Variants in ITPR1 observed in about 807,000 individuals in gnomAD.
ITPR1 encodes inositol 1,4,5-trisphosphate-gated calcium channel ITPR1.
ITPR1 carries 96 observed loss-of-function variants against 318.4 expected under a neutral mutation model. The observed-to-expected ratio is 0.30, with a 90% CI of 0.26 to 0.36. ITPR1 has a LOEUF of 0.36. ITPR1 is among the 10% of genes least tolerant of loss of function. The pLI is 1.00. For synonymous variants in ITPR1, 1,312 were observed against 1,289.9 expected (o/e 1.02, Z -0.37); for missense variants, 2,440 against 3,460.2 (o/e 0.71, Z 7.40).
intron 39 of ITPR1, among the ~76,000 whole-genome samples, chr3:4,717,143 T>G (rs559294159): frequency 1.6e-4 from 24 of 152,328 alleles, no homozygotes; most frequent in African/African-American, 5.5e-4. Flanking sequence ...TGATGCCTGA[T>G]ATGTGAATAA....
chr3:4,599,666 A>G (rs1214467191), intron 4 of ITPR1, among the ~76,000 whole-genome samples: 1 of 152,126 alleles, frequency 6.6e-6, no homozygotes, highest in African/African-American at 2.4e-5. Flanking sequence ...TAAACGTGAA[A>G]ATGGTTGAAT....
intron 4 of ITPR1, among the ~76,000 whole-genome samples, chr3:4,548,142 C>G (rs1412378610): frequency 6.6e-6 from 1 of 152,170 alleles, no homozygotes; most frequent in Non-Finnish European, 1.5e-5. Context: ...AAGACTTTAT[C>G]TGACTGTAAG....
Position 4,826,074 on chromosome 3 carries a change from G to A in ITPR1, c.8028+7832G>A, listed in dbSNP as rs1163847403. Among the ~76,000 whole-genome samples the A allele has an allele frequency of 6.6e-6, 1 of 152,202 alleles. No homozygotes were observed. Among genetic ancestry groups the A allele is most frequent in the African/African-American group, 2.4e-5 (1 of 41,460 alleles). Reference sequence around the variant, plus strand: ...TCCAACAGGGCGTGCACTTAACCCTGGTCTGACCTTTCTGCCCGCCTGTGC... The same window carrying A: ...TCCAACAGGGCGTGCACTTAACCCTAGTCTGACCTTTCTGCCCGCCTGTGC... On this transcript the variant is annotated intron_variant, in intron 60 of 61. Transcript: ENST00000649015. This position sits in a 1 kb window ranked among gnomAD's most constrained non-coding sequence, Gnocchi z 4.2.
intron 2 of ITPR1, among the ~76,000 whole-genome samples, chr3:4,510,236 T>C (rs78877533): frequency 6.6e-6 from 1 of 151,880 alleles, no homozygotes; most frequent in South Asian, 2.1e-4. Context: ...GGAAAAAAAA[T>C]CATTATGGCT....
chr3:4,527,506 C>T (rs893392276), intron 4 of ITPR1, among the ~76,000 whole-genome samples: 2 of 152,148 alleles, frequency 1.3e-5, no homozygotes, highest in African/African-American at 4.8e-5. Flanking sequence ...ATTGCCCCAA[C>T]CAGCTGTGGG....
chr3:4,619,588 C>T (rs1251211823), intron 4 of ITPR1, among the ~76,000 whole-genome samples: 2 of 86,058 alleles, frequency 2.3e-5, no homozygotes, highest in African/African-American at 1.1e-4. Flanking sequence ...CCCCCTTCCC[C>T]TGCCCTCCCC....
At chr3:4,586,501 T>C (rs1042115063) in intron 4 of ITPR1, among the ~76,000 whole-genome samples, 3 of 144,046 alleles carry the variant, frequency 2.1e-5, no homozygotes, top group African/African-American at 7.6e-5. Context: ...CAAGTAGCCT[T>C]GAGTGCTTTT....
chr3:4,669,243 T>C (rs1197746269), intron 18 of ITPR1, among the ~76,000 whole-genome samples: 1 of 152,214 alleles, frequency 6.6e-6, no homozygotes, highest in Non-Finnish European at 1.5e-5. Context: ...AAATTAGTAA[T>C]TTCCCCAAAT....
chr3:4,703,124 A>G (rs574845582), intron 36 of ITPR1, among the ~76,000 whole-genome samples, 174 bp downstream of exon 36: 11 of 152,296 alleles, frequency 7.2e-5, no homozygotes, highest in Admixed American at 5.2e-4. Context: ...TTTTTTATCT[A>G]CCAAGCCAGC....
At chr3:4,641,741 G>C (rs2093343775) in intron 6 of ITPR1, among the ~76,000 whole-genome samples, 1 of 152,208 alleles carries the variant, frequency 6.6e-6, no homozygotes, top group Admixed American at 6.5e-5. Context: ...CTTTGTGTCA[G>C]GGCATGCCAC....
At chr3:4,767,359 A>C (rs531549830) in intron 45 of ITPR1, among the ~76,000 whole-genome samples, 1 of 152,356 alleles carries the variant, frequency 6.6e-6, no homozygotes, top group East Asian at 1.9e-4. Context: ...CTACTCCCAG[A>C]ATATCTCCAG....
chr3:4,758,239 G>C (rs1282974630), intron 44 of ITPR1, among the ~76,000 whole-genome samples: 1 of 152,168 alleles, frequency 6.6e-6, no homozygotes, highest in Non-Finnish European at 1.5e-5. Context: ...CCAGAGCGAG[G>C]GCTTCTGAAA....
chr3:4,635,497 C>A (rs570598579), intron 5 of ITPR1, among the ~76,000 whole-genome samples: 1 of 151,624 alleles, frequency 6.6e-6, no homozygotes. Context: ...CCCGCCACCA[C>A]GCCCGGCTAA....
chr3:4,743,465 C>G (rs1318693945), intron 44 of ITPR1, among the ~76,000 whole-genome samples: 7 of 152,236 alleles, frequency 4.6e-5, no homozygotes. Flanking sequence ...CATGCACCTA[C>G]TGGCATTCAG....
At chr3:4,769,865 T>A (rs1274206227) in intron 46 of ITPR1, among the ~76,000 whole-genome samples, 1 of 152,228 alleles carries the variant, frequency 6.6e-6, no homozygotes, top group Non-Finnish European at 1.5e-5. Context: ...GAGATCCGCT[T>A]CTTTCTTCCG....
intron 61 of ITPR1, among the ~76,000 whole-genome samples, chr3:4,843,694 C>T (rs2051541704): frequency 6.6e-6 from 1 of 152,004 alleles, no homozygotes; most frequent in Admixed American, 6.6e-5. Flanking sequence ...AAGAATTGGC[C>T]AATAACCCAC....
At chr3:4,701,499 A>G (rs1184389552) in intron 35 of ITPR1, among the ~76,000 whole-genome samples, 3 of 152,084 alleles carry the variant, frequency 2.0e-5, no homozygotes, top group African/African-American at 4.8e-5. Flanking sequence ...CCTGTCCTCT[A>G]TTAGGAACAC....
chr3:4,641,804 T>A (rs942621461), intron 6 of ITPR1, among the ~76,000 whole-genome samples: 1 of 152,246 alleles, frequency 6.6e-6, no homozygotes, highest in Admixed American at 6.5e-5. Context: ...CACTGACGGA[T>A]GGCAGGTTAT....
intron 4 of ITPR1, among the ~76,000 whole-genome samples, chr3:4,605,427 A>T (rs1575687814): frequency 1.3e-5 from 2 of 152,208 alleles, no homozygotes; most frequent in Admixed American, 1.3e-4. Context: ...ACAAAATGGG[A>T]ATGTGAACCA....
Sources: gnomAD v4.1 joint callset for allele counts (sites outside exome capture counted in the v4.1 genomes callset) on GRCh38, gnomAD v4.1.1 for gene constraint, Gnocchi (gnomAD v3.1) non-coding constraint, MANE v1.5 for transcripts, NCBI Gene and HGNC (gene_info 2026-07-23, HGNC 2026-07-21) for gene names.